GNG2: variants seen among roughly 807,000 people sequenced by gnomAD.
GNG2 encodes the protein G protein subunit gamma 2, also known as guanine nucleotide-binding protein G(I)/G(S)/G(O) subunit gamma-2.
Under a neutral mutation model 5.5 loss-of-function variants are expected in GNG2, and 5 were observed. The observed-to-expected ratio is 0.91, with a 90% confidence interval of 0.48 to 1.92. The LOEUF (loss-of-function observed/expected upper bound fraction) is 1.92. GNG2 is among the 30% of genes most tolerant of loss of function. The pLI is 0.01. For synonymous variants in GNG2, 28 were observed against 32.0 expected (o/e 0.88, Z 0.42); for missense variants, 55 against 88.4 (o/e 0.62, Z 1.52).
chr14:51,847,079 G>A (rs2036204670), intron 2 of GNG2: 1 of 152,208 alleles, frequency 6.6e-6, no homozygotes, highest in Admixed American at 6.5e-5. Flanking sequence ...CTTCCTGGAA[G>A]CCTACAGAAT....
At chr14:51,956,501 G>A (rs1330885363) in intron 3 of GNG2, among the ~76,000 whole-genome samples, 3 of 152,126 alleles carry the variant, frequency 2.0e-5, no homozygotes, top group East Asian at 3.9e-4. Flanking sequence ...TACACATCTG[G>A]TATCATAAAA....
intron 3 of GNG2, among the ~76,000 whole-genome samples, chr14:51,963,729 A>G (rs1235598725): frequency 1.3e-5 from 2 of 152,240 alleles, no homozygotes; most frequent in African/African-American, 2.4e-5. Flanking sequence ...GCTTTGCTCT[A>G]TGATATTGAA....
At chr14:51,846,228 C>T (rs1881622213) in intron 2 of GNG2, among the ~76,000 whole-genome samples, 1 of 152,098 alleles carries the variant, frequency 6.6e-6, no homozygotes, top group Non-Finnish European at 1.5e-5. Context: ...GAGTTATCAA[C>T]CATTTTAGTT....
intron 3 of GNG2, among the ~76,000 whole-genome samples, chr14:51,962,184 T>C (rs548905416): frequency 7.0e-6 from 1 of 142,680 alleles, no homozygotes; most frequent in African/African-American, 2.6e-5. Flanking sequence ...ATTAGAATAT[T>C]TTTGTAAAAC....
At chr14:51,910,417 C>G (rs73295014) in intron 2 of GNG2, among the ~76,000 whole-genome samples, 1 of 152,078 alleles carries the variant, frequency 6.6e-6, no homozygotes, top group Non-Finnish European at 1.5e-5. Context: ...CATAAAGGAC[C>G]GATACATTTT....
intron 2 of GNG2, among the ~76,000 whole-genome samples, chr14:51,894,900 C>A (rs1339313725): frequency 6.6e-6 from 1 of 151,694 alleles, no homozygotes; most frequent in African/African-American, 2.4e-5. Context: ...CATAGTAAAC[C>A]CATTCAAATG....
chr14:51,898,139 AT>A (rs1566672664), intron 2 of GNG2, among the ~76,000 whole-genome samples: 1 of 152,140 alleles, frequency 6.6e-6, no homozygotes, highest in Non-Finnish European at 1.5e-5. Context: ...TACAGATCTC[AT>A]TTTCTAAAAA....
intron 2 of GNG2, among the ~76,000 whole-genome samples, chr14:51,928,122 C>T (rs1456864836): frequency 6.7e-6 from 1 of 150,068 alleles, no homozygotes; most frequent in Admixed American, 6.6e-5. Flanking sequence ...CCTCCACCTC[C>T]TGGAATCAAG....
chr14:51,969,270 G>T lies in GNG2; in HGVS notation c.*2583G>T, dbSNP rs1010805656. The T allele has an allele frequency of 6.6e-6, 1 of 152,104 alleles. No homozygotes were observed. Among genetic ancestry groups the T allele is most frequent in the Non-Finnish European group, 1.5e-5 (1 of 68,018 alleles). 9.4% of individuals were successfully genotyped at this position (152,104 alleles called of 1,614,324 possible). ...GTAGTAACAATAAACTTCATATTTA[G>T]AATGCAAAGTCTATAAAGAATAATT... On this transcript the variant is annotated 3_prime_UTR_variant, in exon 4 of 4. Coordinates refer to ENST00000556766, the MANE Select transcript of GNG2 (RefSeq NM_053064.5).
At chr14:51,883,397 C>A (rs2140144892) in intron 2 of GNG2, among the ~76,000 whole-genome samples, 1 of 152,334 alleles carries the variant, frequency 6.6e-6, no homozygotes, top group African/African-American at 2.4e-5. Context: ...TTGGCATATG[C>A]TGCCATGTAA....
intron 1 of GNG2, among the ~76,000 whole-genome samples, chr14:51,866,772 G>C (rs1051295198): frequency 1.3e-5 from 2 of 152,176 alleles, no homozygotes; most frequent in African/African-American, 2.4e-5. Context: ...CACCTCCAAA[G>C]GTGGCCTCAT....
upstream of GNG2, among the ~76,000 whole-genome samples, chr14:51,859,423 T>C (rs1170042826): frequency 6.6e-6 from 1 of 152,204 alleles, no homozygotes; most frequent in African/African-American, 2.4e-5. Flanking sequence ...GAAAACCAAG[T>C]ACTGGTGAGG....
intron 2 of GNG2, among the ~76,000 whole-genome samples, chr14:51,887,804 G>T (rs141900546): frequency 4.9e-4 from 75 of 152,250 alleles, no homozygotes; most frequent in African/African-American, 1.8e-3. Context: ...AAAATTAATT[G>T]AAATTATATA....
chr14:51,935,256 ACCT>A, intron 2 of GNG2, among the ~76,000 whole-genome samples: 1 of 148,900 alleles, frequency 6.7e-6, no homozygotes, highest in Non-Finnish European at 1.5e-5. Context: ...CGATCTCCTG[ACCT>A]CCTGATCCGG....
chr14:51,889,650 C>T (rs1283837579), intron 2 of GNG2, among the ~76,000 whole-genome samples: 1 of 152,114 alleles, frequency 6.6e-6, no homozygotes, highest in Non-Finnish European at 1.5e-5. Context: ...AAAGGGAAAA[C>T]TTAAAGCTTT....
chr14:51,879,922 G>T (rs189340905), intron 2 of GNG2, among the ~76,000 whole-genome samples: 1 of 152,290 alleles, frequency 6.6e-6, no homozygotes, highest in Non-Finnish European at 1.5e-5. Flanking sequence ...CTACTACAAA[G>T]TCAAAGAGAC....
In GNG2 at chr14:51,908,736, A is replaced by ATTTTTTTTTTTTTTTTTT. The variant is rs3030340; in HGVS notation, c.-30+31085_-30+31102dup. On this transcript the variant is annotated intron_variant, in intron 2 of 3. Transcript: ENST00000556766. ...AGGCGTGCGCCACCACACCCAGCTA[A>ATTTTTTTTTTTTTTTTTT]TTTTTTTTTTTTTTTTTTTTTTTAG... Among the ~76,000 whole-genome samples, 14 of 89,880 alleles carry ATTTTTTTTTTTTTTTTTT rather than the reference A, an allele frequency of 1.6e-4. 1 individual carries two copies. Among genetic ancestry groups the ATTTTTTTTTTTTTTTTTT allele is most frequent in the African/African-American group, 5.9e-4 (14 of 23,858 alleles). 59.0% of individuals were successfully genotyped at this position (89,880 alleles called of 152,430 possible). A position where few individuals can be genotyped will look rare whatever the true frequency, so the allele number is the denominator to read the frequency against.
At chr14:51,901,526 A>G (rs1885556350) in intron 2 of GNG2, among the ~76,000 whole-genome samples, 2 of 152,248 alleles carry the variant, frequency 1.3e-5, no homozygotes, top group Non-Finnish European at 1.5e-5. Context: ...ATTATAAGGC[A>G]TCTTATCATG....
Position 51,964,924 on chromosome 14 carries a change from T to C in GNG2, c.88-1635T>C, listed in dbSNP as rs560260094. 1.3e-3 allele frequency among the ~76,000 whole-genome samples: 192 copies of C among 152,280 alleles called. 1 individual carries two copies. Among genetic ancestry groups the C allele is most frequent in the African/African-American group, 4.4e-3 (181 of 41,554 alleles). Reference sequence around the variant, plus strand: ...TGAGGCAGGAGTGACAAAGCTTTAATCAACTCAGCCCTGGGACAAGAAACA... The same window carrying C: ...TGAGGCAGGAGTGACAAAGCTTTAACCAACTCAGCCCTGGGACAAGAAACA... On this transcript the variant is annotated intron_variant, in intron 3 of 3. Coordinates refer to ENST00000556766, the MANE Select transcript of GNG2 (RefSeq NM_053064.5).
Sources: allele counts gnomAD v4.1 joint callset (sites outside exome capture counted in the v4.1 genomes callset), GRCh38; gene constraint gnomAD v4.1.1; transcripts MANE v1.5; gene names NCBI Gene and HGNC (gene_info 2026-07-23, HGNC 2026-07-21).